CDH10: variants seen among roughly 807,000 people sequenced by gnomAD.
The protein encoded by CDH10 is cadherin-10.
In CDH10, 30 loss-of-function variants were observed where a neutral mutation model predicts 73.1. The observed-to-expected ratio is 0.41, with a 90% CI of 0.31 to 0.56. The LOEUF is 0.56. Ranked by LOEUF, CDH10 falls within the 20% of genes least tolerant of loss-of-function variation. The probability of loss-of-function intolerance (pLI) is 0.27; values close to 1 mark genes in which losing one functional copy is unlikely to be tolerated. For synonymous variants in CDH10, 345 were observed against 348.2 expected (o/e 0.99, Z 0.10); for missense variants, 815 against 973.7 (o/e 0.84, Z 2.17).
chr5:24,555,854 G>T (rs1305250473), intron 2 of CDH10, among the ~76,000 whole-genome samples: 2 of 139,556 alleles, frequency 1.4e-5, no homozygotes, highest in East Asian at 4.3e-4. Context: ...TGGGATTGGA[G>T]AATTCTAATA....
intron 8 of CDH10, among the ~76,000 whole-genome samples, chr5:24,504,611 T>C (rs1742630844): frequency 6.9e-6 from 1 of 144,066 alleles, no homozygotes; most frequent in South Asian, 2.4e-4. Context: ...CTGCAACCTC[T>C]GCCTCCCAGG....
intron 8 of CDH10, among the ~76,000 whole-genome samples, chr5:24,504,832 T>C (rs1291287856): frequency 3.3e-5 from 5 of 152,056 alleles, no homozygotes; most frequent in African/African-American, 1.2e-4. Context: ...CCTGTTAATC[T>C]GTTTCATGTC....
chr5:24,526,382 TCATGCTAAA>T (rs1188641145), intron 5 of CDH10, among the ~76,000 whole-genome samples: 1 of 151,994 alleles, frequency 6.6e-6, no homozygotes, highest in Non-Finnish European at 1.5e-5. Context: ...CCTGGTTCTG[TCATGCTAAA>T]CATTTAGCCT....
At chr5:24,597,376 A>T (rs1282981884) in intron 1 of CDH10, among the ~76,000 whole-genome samples, 1 of 152,116 alleles carries the variant, frequency 6.6e-6, no homozygotes, top group Non-Finnish European at 1.5e-5. Context: ...TCAGACCTCA[A>T]ATCAACCTCA....
At chr5:24,520,826 A>C (rs574319216) in intron 5 of CDH10, among the ~76,000 whole-genome samples, 1 of 152,198 alleles carries the variant, frequency 6.6e-6, no homozygotes, top group Non-Finnish European at 1.5e-5. Context: ...TCCCAGGTTC[A>C]AGCAATTCTC....
At chr5:24,495,995 G>A (rs912443399) in intron 9 of CDH10, among the ~76,000 whole-genome samples, 10 of 152,090 alleles carry the variant, frequency 6.6e-5, no homozygotes, top group Non-Finnish European at 1.3e-4. Flanking sequence ...ATGCTTCAGT[G>A]ATCATATTAT....
intron 2 of CDH10, 140 bp downstream of exon 2, chr5:24,593,120 C>A: frequency 1.8e-6 from 1 of 554,812 alleles, no homozygotes; most frequent in Non-Finnish European, 3.2e-6. Context: ...AATTGGAATT[C>A]GTGTTCCATA....
In CDH10 at chr5:24,487,560, G is replaced by T; in HGVS notation, c.*103C>A. The T allele has an allele frequency of 8.9e-7, 1 of 1,121,024 alleles. No individual in the cohort carries two copies. 69.4% of individuals were successfully genotyped at this position (1,121,024 alleles called of 1,614,324 possible). A position where few individuals can be genotyped will look rare whatever the true frequency, so the allele number is the denominator to read the frequency against. On this transcript the variant is annotated 3_prime_UTR_variant, in exon 12 of 12. Transcript: ENST00000264463. ...TAAGAAGTAAATGAGAAAAAAAATTGTGCTGACTGGCAGGAAAATGCTCCT... is the reference window on the plus strand; with the variant it reads ...TAAGAAGTAAATGAGAAAAAAAATTTTGCTGACTGGCAGGAAAATGCTCCT...
intron 2 of CDH10, among the ~76,000 whole-genome samples, chr5:24,576,830 A>G (rs1745621500): frequency 6.6e-6 from 1 of 152,052 alleles, no homozygotes; most frequent in African/African-American, 2.4e-5. Flanking sequence ...AGGACAGTAT[A>G]GAAAGCAGCA....
chr5:24,544,996 A>G (rs563803273), intron 2 of CDH10, among the ~76,000 whole-genome samples: 10 of 152,182 alleles, frequency 6.6e-5, no homozygotes, highest in Non-Finnish European at 1.3e-4. Context: ...AAAGGTCAAC[A>G]ATTTAAGTAC....
chr5:24,604,425 C>G (rs991437261), intron 1 of CDH10, among the ~76,000 whole-genome samples: 1 of 152,070 alleles, frequency 6.6e-6, no homozygotes, highest in Non-Finnish European at 1.5e-5. Context: ...TATGCAAGAT[C>G]ACTACGCTGA....
intron 1 of CDH10, among the ~76,000 whole-genome samples, chr5:24,614,714 A>G (rs1038835029): frequency 6.6e-6 from 1 of 152,212 alleles, no homozygotes; most frequent in African/African-American, 2.4e-5. Flanking sequence ...TGCAATAATT[A>G]TCTTTGCCAA....
chr5:24,629,638 C>T (rs529384331), intron 1 of CDH10, among the ~76,000 whole-genome samples: 1 of 152,168 alleles, frequency 6.6e-6, no homozygotes, highest in Admixed American at 6.5e-5. Context: ...ACAGTTTCCC[C>T]ATGTTGTTCT....
chr5:24,511,997 G>A (rs915525527), intron 5 of CDH10, among the ~76,000 whole-genome samples: 1 of 152,034 alleles, frequency 6.6e-6, no homozygotes, highest in African/African-American at 2.4e-5. Context: ...CTGGAGGGTG[G>A]GAGGAGGGAG....
chr5:24,625,899 T>A lies in CDH10; in HGVS notation c.-124+18695A>T, dbSNP rs975801066. ...ATATAGTAATCATGATCTGAAAAAA[T>A]TTTACTATCCTTTAAGAGAGAATTT... is the stretch of plus-strand genomic sequence containing the variant. On this transcript the variant is annotated intron_variant, in intron 1 of 11. Transcript: ENST00000264463. Among the ~76,000 whole-genome samples, 4 of 151,872 alleles carry A rather than the reference T, an allele frequency of 2.6e-5. No individual in the cohort carries two copies. The South Asian group carries it at 6.2e-4, about 24-fold the overall frequency.
In CDH10 at chr5:24,498,414, T is replaced by C; in HGVS notation, c.1499A>G (p.Asn500Ser). ...AVFYDTFVCE[N>S]ARPGQLIQTI... Reference sequence around the variant, plus strand: ...GGGGCTTACCTGCCCTGGTCTGGCATTTTCACATACAAAAGTGTCATAGAA... The same window carrying C: ...GGGGCTTACCTGCCCTGGTCTGGCACTTTCACATACAAAAGTGTCATAGAA... Residue 500 changes from asparagine to serine, a missense_variant, in exon 9 of 12, where the codon AAT (asparagine) becomes AGT (serine). Coordinates refer to ENST00000264463, the MANE Select transcript of CDH10 (RefSeq NM_006727.5). The C allele has an allele frequency of 6.2e-7, 1 of 1,606,848 alleles. No homozygotes were observed. The highest frequency in any genetic ancestry group is 8.5e-7 in the Non-Finnish European group (1 of 1,173,794).
intron 1 of CDH10, among the ~76,000 whole-genome samples, chr5:24,600,602 G>A (rs534987215): frequency 9.2e-5 from 14 of 152,150 alleles, no homozygotes; most frequent in African/African-American, 2.9e-4. Context: ...GTGTGCGTGC[G>A]TGCGTGTGTG....
At chr5:24,584,475 T>TGTGTGAGA (rs775491066) in intron 2 of CDH10, among the ~76,000 whole-genome samples, 7 of 79,742 alleles carry the variant, frequency 8.8e-5, no homozygotes, top group East Asian at 3.9e-4. Flanking sequence ...TGTGTGTGTG[T>TGTGTGAGA]GAGAGAGAGA....
intron 5 of CDH10, among the ~76,000 whole-genome samples, chr5:24,521,998 G>C (rs140878471): frequency 0.015 from 2,207 of 152,090 alleles, 54 homozygotes; most frequent in African/African-American, 0.047. Flanking sequence ...GCCTGGTATG[G>C]TGGCAGGCGC....
Sources: gnomAD v4.1 joint callset for allele counts (sites outside exome capture counted in the v4.1 genomes callset) on GRCh38, gnomAD v4.1.1 for gene constraint, MANE v1.5 for transcripts, NCBI Gene and HGNC (gene_info 2026-07-23, HGNC 2026-07-21) for gene names.